The following KATNIP variants were observed in gnomAD, a reference collection of about 807,000 sequenced individuals.
The protein encoded by KATNIP is katanin-interacting protein.
KATNIP carries 126 observed loss-of-function variants against 174.0 expected under a neutral mutation model. The observed-to-expected ratio is 0.72, with a 90% CI of 0.63 to 0.84. The LOEUF is 0.84. KATNIP is among the 40% of genes least tolerant of loss of function. The pLI is 0.00. For missense variants in KATNIP, 1,958 were observed against 2,109.7 expected, an observed-to-expected ratio of 0.93 and a Z score of 1.41; for synonymous variants, 810 against 835.7, an observed-to-expected ratio of 0.97 and a Z score of 0.53.
At chr16:27,615,595 C>G (rs569921248) in intron 2 of KATNIP, among the ~76,000 whole-genome samples, 1 of 152,054 alleles carries the variant, frequency 6.6e-6, no homozygotes, top group Admixed American at 6.6e-5. Flanking sequence ...ACCTTGTGAT[C>G]GGCCCACCTC....
chr16:27,721,475 G>A (rs958999973), intron 13 of KATNIP, 83 bp from the exon 14 acceptor site: 18 of 1,559,152 alleles, frequency 1.2e-5, no homozygotes, highest in African/African-American at 5.4e-5. Flanking sequence ...CCTGGTTTTC[G>A]TGAGCCAAAG....
intron 4 of KATNIP, 111 bp downstream of exon 4, chr16:27,628,941 G>A: frequency 8.8e-7 from 1 of 1,136,508 alleles, no homozygotes; most frequent in East Asian, 2.4e-5. Flanking sequence ...GCTGAGGCGG[G>A]TGGATCACTT....
chr16:27,698,457 C>T lies in KATNIP; in HGVS notation c.1070C>T (p.Ala357Val), dbSNP rs201394940. 5.0e-6 allele frequency: 8 copies of T among 1,612,414 alleles called. No individual in the cohort carries two copies. Among genetic ancestry groups the T allele is most frequent in the South Asian group, 1.1e-5 (1 of 90,800 alleles). ...IQVENAALQR[A>V]LLSRKAEQPA... is the part of the protein sequence containing the mutation. ...GTGGAGAACGCAGCCCTGCAGAGGGCGCTCCTCAGCAGAAAGGCCGAGCAG... is the reference window on the plus strand; with the variant it reads ...GTGGAGAACGCAGCCCTGCAGAGGGTGCTCCTCAGCAGAAAGGCCGAGCAG... The change falls in exon 9 of 28, where the codon GCG becomes GTG. Residue 357 changes from alanine to valine, a missense_variant. Coordinates refer to ENST00000261588, the MANE Select transcript of KATNIP (RefSeq NM_015202.5).
At chr16:27,638,791 C>T (rs1418024821) in intron 5 of KATNIP, among the ~76,000 whole-genome samples, 5 of 151,798 alleles carry the variant, frequency 3.3e-5, no homozygotes, top group South Asian at 4.2e-4. Flanking sequence ...GCCCCCTTGC[C>T]TCCCCATTCA....
chr16:27,597,192 C>G (rs938990904), intron 2 of KATNIP, among the ~76,000 whole-genome samples: 5 of 151,994 alleles, frequency 3.3e-5, no homozygotes, highest in African/African-American at 4.8e-5. Context: ...GATCCTGTCT[C>G]TAATAAATAA....
chr16:27,600,673 G>A (rs944278237), intron 2 of KATNIP, among the ~76,000 whole-genome samples: 42 of 148,444 alleles, frequency 2.8e-4, no homozygotes, highest in Non-Finnish European at 5.2e-4. Context: ...ACCCAGCCCC[G>A]CCAGTAATCC....
At chr16:27,585,645 A>G (rs1199834891) in intron 2 of KATNIP, among the ~76,000 whole-genome samples, 1 of 152,254 alleles carries the variant, frequency 6.6e-6, no homozygotes, top group Non-Finnish European at 1.5e-5. Flanking sequence ...GGAGGTTATT[A>G]TGTTTAGTAA....
intron 2 of KATNIP, among the ~76,000 whole-genome samples, chr16:27,603,722 A>C (rs1310437276): frequency 6.9e-6 from 1 of 143,926 alleles, no homozygotes; most frequent in Admixed American, 7.3e-5. Context: ...TGAGATTTAC[A>C]GCACTTCCCA....
intron 4 of KATNIP, among the ~76,000 whole-genome samples, chr16:27,629,045 G>A (rs1322658181): frequency 1.3e-5 from 2 of 151,884 alleles, no homozygotes; most frequent in Non-Finnish European, 2.9e-5. Flanking sequence ...GCATGCACCT[G>A]TAGTCCCAGC....
At chr16:27,705,917 A>G (rs1285558149) in intron 12 of KATNIP, among the ~76,000 whole-genome samples, 7 of 151,940 alleles carry the variant, frequency 4.6e-5, no homozygotes, top group Admixed American at 4.6e-4. Context: ...GGCTCAAGCA[A>G]TCCTCCCGCC....
chr16:27,621,508 C>T (rs58433707), intron 3 of KATNIP, among the ~76,000 whole-genome samples: 2,423 of 152,204 alleles, frequency 0.016, 62 homozygotes, highest in African/African-American at 0.054. Context: ...CCTAATGCTT[C>T]CAGCAAAAGT....
Position 27,573,973 on chromosome 16 carries a change from C to A in KATNIP, c.63+17C>A, listed in dbSNP as rs369085022. 5.6e-6 allele frequency: 9 copies of A among 1,612,438 alleles called. No individual in the cohort carries two copies. In the African/African-American group the frequency reaches 9.4e-5, roughly 17 times the overall value. ...AAAAAGGAGGTAAATGTGTCCCTGG[C>A]GAGGGCTGATGGGAGGCAACTCTAT... On this transcript the variant is annotated intron_variant, in intron 2 of 27. Transcript: ENST00000261588.
chr16:27,706,505 A>G (rs1436131399), intron 12 of KATNIP, among the ~76,000 whole-genome samples: 5 of 152,122 alleles, frequency 3.3e-5, no homozygotes, highest in Non-Finnish European at 7.4e-5. Flanking sequence ...AAGAGCGGGG[A>G]CAATGAATGA....
chr16:27,617,167 G>T (rs1039012018), intron 2 of KATNIP, among the ~76,000 whole-genome samples: 2 of 151,996 alleles, frequency 1.3e-5, no homozygotes, highest in Admixed American at 6.6e-5. Flanking sequence ...AATTCTTTTG[G>T]CTGCAAATGA....
chr16:27,648,500 A>G lies in KATNIP; in HGVS notation c.409-104A>G, dbSNP rs1416104590. ...GCAGGCACACCACCCCATGGTATCTATGCCCATAGATCCTGGCTGAACCTC... is the reference window on the plus strand; with the variant it reads ...GCAGGCACACCACCCCATGGTATCTGTGCCCATAGATCCTGGCTGAACCTC... On this transcript the variant is annotated intron_variant, in intron 5 of 27. Transcript: ENST00000261588. The G allele has an allele frequency of 3.7e-6, 5 of 1,361,950 alleles. No individual in the cohort carries two copies. The East Asian group carries it at 1.2e-4, about 32-fold the overall frequency. The allele number at this position is 1,361,950 out of a possible 1,614,324, so 84.4% of individuals were successfully genotyped here.
rs2082516519 is a variant in KATNIP, at chr16:27,776,841, A to C, written c.4450-87A>C. ...GGCGCTGCCTTGGGCACCACCGCTC[A>C]CCCCAGCCCACGCCTGGCACCCCCA... On this transcript the variant is annotated intron_variant, in intron 24 of 27. Coordinates refer to ENST00000261588, the MANE Select transcript of KATNIP (RefSeq NM_015202.5). The surrounding 1 kb of genome is among the most constrained non-coding windows in gnomAD (Gnocchi z 4.7). 4.3e-6 allele frequency: 4 copies of C among 928,890 alleles called. No homozygotes were observed. Among genetic ancestry groups the C allele is most frequent in the Non-Finnish European group, 7.0e-6 (4 of 572,466 alleles). The allele number at this position is 928,890 out of a possible 1,614,324, so 57.5% of individuals were successfully genotyped here. A position where few individuals can be genotyped will look rare whatever the true frequency, so the allele number is the denominator to read the frequency against.
At chr16:27,627,608 C>CT (rs904455652) in intron 3 of KATNIP, among the ~76,000 whole-genome samples, 1 of 152,246 alleles carries the variant, frequency 6.6e-6, no homozygotes, top group African/African-American at 2.4e-5. Context: ...TTCACGGTGA[C>CT]TTTCTAGACC....
chr16:27,718,984 A>T (rs1211113576), intron 13 of KATNIP, among the ~76,000 whole-genome samples: 6 of 152,124 alleles, frequency 3.9e-5, no homozygotes, highest in Non-Finnish European at 5.9e-5. Flanking sequence ...TGGCTCTGTC[A>T]AGTAGCAGGC....
intron 14 of KATNIP, among the ~76,000 whole-genome samples, chr16:27,728,871 G>A (rs189991518): frequency 2.0e-5 from 3 of 152,234 alleles, no homozygotes; most frequent in Non-Finnish European, 4.4e-5. Context: ...GCAAGTGGGC[G>A]GGCTGCAGCT....
Sources: gnomAD v4.1 joint callset for allele counts (sites outside exome capture counted in the v4.1 genomes callset) on GRCh38, gnomAD v4.1.1 for gene constraint, Gnocchi (gnomAD v3.1) non-coding constraint, MANE v1.5 for transcripts, NCBI Gene and HGNC (gene_info 2026-07-23, HGNC 2026-07-21) for gene names.